MED13L: variants seen among roughly 807,000 people sequenced by gnomAD.
MED13L encodes mediator complex subunit 13L.
In MED13L, 7 loss-of-function variants were observed where a neutral mutation model predicts 220.9. That is an observed-to-expected ratio of 0.03 (90% CI 0.02 to 0.06). MED13L has a LOEUF of 0.06. Ranked by LOEUF, MED13L falls within the 10% of genes least tolerant of loss-of-function variation. The pLI, the probability that MED13L is intolerant of heterozygous loss-of-function variation, is 1.00. For missense variants in MED13L, 1,965 were observed against 2,760.5 expected (o/e 0.71, Z 6.46); for synonymous variants, 1,011 against 1,015.2 (o/e 1.00, Z 0.08).
At chr12:116,162,574 AT>A (rs1351189467) in intron 2 of MED13L, among the ~76,000 whole-genome samples, 1 of 152,200 alleles carries the variant, frequency 6.6e-6, no homozygotes, top group Non-Finnish European at 1.5e-5. Context: ...GACATTTTAA[AT>A]TTTTTAATGT....
chr12:115,982,273 G>A (rs1026636959), intron 22 of MED13L, 111 bp downstream of exon 22: 2 of 1,139,384 alleles, frequency 1.8e-6, no homozygotes, highest in Non-Finnish European at 2.6e-6. Context: ...TTGGTTAGGG[G>A]ATAATTAACC....
Position 116,008,457 on chromosome 12 carries a change from C to A in MED13L, c.1956G>T (p.Gln652His). Reference sequence around the variant, plus strand: ...CCATTTTGGCATCACATCTCTCACCCTGGAGCTCTGGAGGCCTGAACTCAG... The same window carrying A: ...CCATTTTGGCATCACATCTCTCACCATGGAGCTCTGGAGGCCTGAACTCAG... ...DDAEFRPPEL[Q>H]GERCDAKMEV... is the part of the protein sequence containing the mutation. The change falls in exon 10 of 31, where the codon CAG (glutamine) becomes CAT (histidine). Residue 652 changes from glutamine (Q) to histidine (H), a missense_variant. Gln to His is a conservative substitution (Grantham distance 24, BLOSUM62 0). Coordinates refer to ENST00000281928, the MANE Select transcript of MED13L (RefSeq NM_015335.5). 6.2e-7 allele frequency: 1 copy of A among 1,613,170 alleles called. No homozygotes were observed. The highest frequency in any genetic ancestry group is 8.5e-7 in the Non-Finnish European group (1 of 1,179,948).
At chr12:116,254,466 T>C (rs1364397076) in intron 1 of MED13L, among the ~76,000 whole-genome samples, 2 of 151,962 alleles carry the variant, frequency 1.3e-5, no homozygotes, top group African/African-American at 4.8e-5. Flanking sequence ...TACTCTCAAA[T>C]GGCCAGGTGC....
At chr12:115,975,850 TTC>T (rs147570553) in intron 23 of MED13L, 112 bp from the exon 24 acceptor site, 3,307 of 837,268 alleles carry the variant, frequency 3.9e-3, no homozygotes, top group Middle Eastern at 6.1e-3. Flanking sequence ...AGTAAATCGT[TTC>T]TCTCTCTCTC....
At position 116,051,587 on chromosome 12, in the gene MED13L, A is replaced by G. The variant is rs537552376; in HGVS notation, c.480-28986T>C. ...AATATCGGATTTCAAACTTCTTTCG[A>G]TTTTGGAATATCTGCATACACATAA... On this transcript the variant is annotated intron_variant, in intron 4 of 30. Transcript: ENST00000281928. Among the ~76,000 whole-genome samples the G allele has an allele frequency of 1.3e-3, 198 of 152,314 alleles. 5 individuals carry two copies. Among genetic ancestry groups the G allele is most frequent in the Non-Finnish European group, 1.6e-3 (106 of 68,022 alleles).
At chr12:116,270,697 A>G (rs1873227732) in intron 1 of MED13L, among the ~76,000 whole-genome samples, 1 of 152,150 alleles carries the variant, frequency 6.6e-6, no homozygotes, top group Non-Finnish European at 1.5e-5. Context: ...AACAGAACAA[A>G]GCTAACACCT....
At chr12:116,041,337 T>A (rs1335459364) in intron 4 of MED13L, among the ~76,000 whole-genome samples, 2 of 152,176 alleles carry the variant, frequency 1.3e-5, no homozygotes, top group African/African-American at 4.8e-5. Context: ...GTAAGTCTCC[T>A]GAGGACTCCT....
chr12:116,003,684 A>G (rs1466402994), intron 13 of MED13L, among the ~76,000 whole-genome samples: 1 of 152,230 alleles, frequency 6.6e-6, no homozygotes, highest in African/African-American at 2.4e-5. Flanking sequence ...CTTTAACATT[A>G]AATGAACTGG....
At chr12:116,116,988 A>C (rs1266651131) in intron 2 of MED13L, among the ~76,000 whole-genome samples, 1 of 151,712 alleles carries the variant, frequency 6.6e-6, no homozygotes, top group Non-Finnish European at 1.5e-5. Flanking sequence ...CTCTCACAAC[A>C]CAAAACAAAC....
intron 2 of MED13L, among the ~76,000 whole-genome samples, chr12:116,124,146 G>GAGAGAGAC (rs1555213747): frequency 6.7e-6 from 1 of 148,174 alleles, no homozygotes; most frequent in Non-Finnish European, 1.5e-5. Flanking sequence ...GAGAGAGAGA[G>GAGAGAGAC]AGAGACAGAG....
At chr12:116,017,405 T>G (rs1298503700) in intron 7 of MED13L, among the ~76,000 whole-genome samples, 1 of 152,234 alleles carries the variant, frequency 6.6e-6, no homozygotes, top group East Asian at 1.9e-4. Flanking sequence ...GATAACTTAA[T>G]GTAGTGCAAT....
At chr12:116,115,637 C>CT (rs556957274) in intron 2 of MED13L, among the ~76,000 whole-genome samples, 21 of 145,916 alleles carry the variant, frequency 1.4e-4, no homozygotes, top group African/African-American at 2.0e-4. Flanking sequence ...GAATACGTTA[C>CT]TTTTTTTTTT....
intron 2 of MED13L, among the ~76,000 whole-genome samples, chr12:116,220,450 A>G (rs758645684): frequency 1.3e-5 from 2 of 152,142 alleles, no homozygotes; most frequent in Non-Finnish European, 2.9e-5. Flanking sequence ...TATAATCCCA[A>G]CACTTTGGGA....
chr12:116,055,150 C>T (rs768827222), intron 4 of MED13L, among the ~76,000 whole-genome samples: 11 of 151,996 alleles, frequency 7.2e-5, no homozygotes, highest in Non-Finnish European at 1.5e-4. Flanking sequence ...ATAGTGATCC[C>T]TTTGAGGGGG....
At chr12:116,055,070 A>C (rs1868836473) in intron 4 of MED13L, among the ~76,000 whole-genome samples, 1 of 152,234 alleles carries the variant, frequency 6.6e-6, no homozygotes. Flanking sequence ...TACAAAACTC[A>C]GCATAAAGTA....
intron 3 of MED13L, among the ~76,000 whole-genome samples, chr12:116,104,368 T>C (rs950664571): frequency 6.0e-4 from 92 of 152,234 alleles, no homozygotes; most frequent in African/African-American, 2.0e-3. Flanking sequence ...TCACAACACA[T>C]TGAAAGATAG....
chr12:115,994,410 A>T (rs1466572971), intron 16 of MED13L, among the ~76,000 whole-genome samples: 1 of 152,164 alleles, frequency 6.6e-6, no homozygotes, highest in African/African-American at 2.4e-5. Context: ...TGATTGTGCC[A>T]CTGTACTCCA....
In MED13L at chr12:116,230,960, T is replaced by C. The variant is rs534012634; in HGVS notation, c.310+6508A>G. ...ATGTCAACACTTCTCTTTTTAGGTA[T>C]GCTAAGCAATAGGGGCTATTCATTT... On this transcript the variant is annotated intron_variant, in intron 2 of 30. Transcript: ENST00000281928. 3.9e-5 allele frequency among the ~76,000 whole-genome samples: 6 copies of C among 152,336 alleles called. 1 individual carries two copies. The South Asian group carries it at 6.2e-4, about 16-fold the overall frequency.
intron 1 of MED13L, among the ~76,000 whole-genome samples, chr12:116,252,358 T>A (rs994439549): frequency 6.6e-6 from 1 of 152,006 alleles, no homozygotes; most frequent in African/African-American, 2.4e-5. Context: ...ATGGGCAACA[T>A]GACAAAACTT....
Sources: gnomAD v4.1 joint callset for allele counts (sites outside exome capture counted in the v4.1 genomes callset) on GRCh38, gnomAD v4.1.1 for gene constraint, MANE v1.5 for transcripts, NCBI Gene and HGNC (gene_info 2026-07-23, HGNC 2026-07-21) for gene names.